Variants in ZFHX3 observed in about 807,000 individuals in gnomAD.
ZFHX3 encodes the protein zinc finger homeobox 3, also known as zinc finger homeobox protein 3.
Under a neutral mutation model 279.1 loss-of-function variants are expected in ZFHX3, and 42 were observed. The ratio of observed to expected loss-of-function variants is 0.15; its 90% CI spans 0.12 to 0.19. The LOEUF is 0.19. Ranked by LOEUF, ZFHX3 falls within the 10% of genes least tolerant of loss-of-function variation. The probability of loss-of-function intolerance (pLI) is 1.00; values close to 1 mark genes in which losing one functional copy is unlikely to be tolerated. For missense variants in ZFHX3, 4,981 were observed against 4,754.0 expected (o/e 1.05, Z -1.40); for synonymous variants, 2,293 against 1,957.8 (o/e 1.17, Z -4.52).
intron 3 of ZFHX3, among the ~76,000 whole-genome samples, chr16:73,452,106 G>A (rs1196236630): frequency 6.6e-6 from 1 of 152,142 alleles, no homozygotes; most frequent in Admixed American, 6.5e-5. Context: ...GGAGACTAAA[G>A]ATTACAAAAT....
intron 2 of ZFHX3, among the ~76,000 whole-genome samples, chr16:73,560,105 C>G (rs1350140514): frequency 1.3e-5 from 2 of 152,174 alleles, no homozygotes; most frequent in Non-Finnish European, 2.9e-5. Context: ...CTGTCAAGTT[C>G]CTTCTCTGTT....
chr16:73,067,964 A>G (rs1212865284), intron 8 of ZFHX3, among the ~76,000 whole-genome samples: 1 of 152,158 alleles, frequency 6.6e-6, no homozygotes, highest in East Asian at 1.9e-4. Context: ...ATAGATGGTA[A>G]AGAGAATGCA....
At chr16:73,612,500 C>T (rs995301511) in intron 2 of ZFHX3, among the ~76,000 whole-genome samples, 29 of 152,138 alleles carry the variant, frequency 1.9e-4, no homozygotes, top group Admixed American at 6.6e-5. Context: ...TGTAGCTTTT[C>T]CAGTTTCAAA....
chr16:73,675,804 C>T (rs1440444099), intron 2 of ZFHX3, among the ~76,000 whole-genome samples: 1 of 151,748 alleles, frequency 6.6e-6, no homozygotes, highest in Non-Finnish European at 1.5e-5. Flanking sequence ...TAGAAAAAAA[C>T]AATACACATA....
intron 5 of ZFHX3, among the ~76,000 whole-genome samples, chr16:73,238,534 C>T (rs2013021841): frequency 6.6e-6 from 1 of 152,060 alleles, no homozygotes; most frequent in African/African-American, 2.4e-5. Context: ...TCTTATTTTC[C>T]TAGTGGCTTT....
intron 4 of ZFHX3, among the ~76,000 whole-genome samples, chr16:73,290,310 G>A (rs543831266): frequency 6.6e-6 from 1 of 152,062 alleles, no homozygotes; most frequent in South Asian, 2.1e-4. Flanking sequence ...GAGAGAGACT[G>A]GAAGCTCATC....
At chr16:73,223,665 A>G (rs1470697005) in intron 5 of ZFHX3, among the ~76,000 whole-genome samples, 1 of 152,208 alleles carries the variant, frequency 6.6e-6, no homozygotes, top group Non-Finnish European at 1.5e-5. Flanking sequence ...AAAATTAAAC[A>G]TACTCTTCCA....
At chr16:72,833,667 G>C (rs1432531730) in intron 4 of ZFHX3, among the ~76,000 whole-genome samples, 1 of 152,146 alleles carries the variant, frequency 6.6e-6, no homozygotes, top group African/African-American at 2.4e-5. Context: ...GCCAGGACCT[G>C]GGAGAGAAGG....
chr16:73,512,612 A>C (rs553632412), intron 2 of ZFHX3, among the ~76,000 whole-genome samples: 1 of 152,156 alleles, frequency 6.6e-6, no homozygotes, highest in Non-Finnish European at 1.5e-5. Context: ...TAATGGAAAA[A>C]TAAGGTTCCA....
intron 2 of ZFHX3, among the ~76,000 whole-genome samples, chr16:73,607,021 G>A (rs1254338888): frequency 2.4e-5 from 3 of 124,092 alleles, no homozygotes; most frequent in Non-Finnish European, 5.5e-5. Flanking sequence ...CAAATAAAAA[G>A]GACATGATCT....
intron 3 of ZFHX3, among the ~76,000 whole-genome samples, chr16:72,934,351 C>G (rs887591818): frequency 6.6e-6 from 1 of 152,158 alleles, no homozygotes; most frequent in African/African-American, 2.4e-5. Context: ...TCACTTGAAC[C>G]CGGGAGGCGA....
At chr16:73,453,487 A>T (rs2018314589) in intron 3 of ZFHX3, among the ~76,000 whole-genome samples, 1 of 152,184 alleles carries the variant, frequency 6.6e-6, no homozygotes, top group Non-Finnish European at 1.5e-5. Context: ...AGGACACTCA[A>T]GCTGGTCACC....
At position 73,133,827 on chromosome 16, in the gene ZFHX3, TC is replaced by T. The variant is rs1417875487; in HGVS notation, c.-1023-2734del. Among the ~76,000 whole-genome samples, 5 of 152,284 alleles carry T rather than the reference TC, an allele frequency of 3.3e-5. No individual in the cohort carries two copies. The East Asian group carries it at 9.6e-4, about 29-fold the overall frequency. ...CTGTTAGAAGCTGCTCTCACAGTAA[TC>T]CCCAAGAAAGTATTAGCTGAACTTA... is the stretch of plus-strand genomic sequence containing the variant. On this transcript the variant is annotated intron_variant, in intron 6 of 17. Transcript: ENST00000641206.
At chr16:73,236,779 T>A (rs1385942940) in intron 5 of ZFHX3, among the ~76,000 whole-genome samples, 1 of 152,194 alleles carries the variant, frequency 6.6e-6, no homozygotes, top group African/African-American at 2.4e-5. Flanking sequence ...TTAAAAAATG[T>A]TCTTCTTACC....
chr16:73,622,354 C>G (rs1035455876), intron 2 of ZFHX3, among the ~76,000 whole-genome samples: 1 of 152,048 alleles, frequency 6.6e-6, no homozygotes, highest in East Asian at 1.9e-4. Context: ...GTCAGGAGAT[C>G]GAGACCATCC....
intron 3 of ZFHX3, among the ~76,000 whole-genome samples, chr16:73,428,741 G>A (rs188658740): frequency 3.9e-5 from 6 of 152,204 alleles, no homozygotes; most frequent in Admixed American, 2.0e-4. Context: ...AACCTGCCAC[G>A]CTCTCCATTG....
At chr16:73,402,897 T>C (rs1209427332) in intron 3 of ZFHX3, among the ~76,000 whole-genome samples, 1 of 141,934 alleles carries the variant, frequency 7.0e-6, no homozygotes, top group Non-Finnish European at 1.6e-5. Context: ...ATATGGAAAA[T>C]AAAAAAAAAA....
chr16:72,815,019 C>T (rs1417063688), intron 5 of ZFHX3, among the ~76,000 whole-genome samples: 2 of 152,274 alleles, frequency 1.3e-5, no homozygotes, highest in East Asian at 3.9e-4. Flanking sequence ...CTGACACATG[C>T]CCCTCCCTTG....
At chr16:72,824,035 T>C (rs2036869548) in intron 5 of ZFHX3, among the ~76,000 whole-genome samples, 2 of 152,184 alleles carry the variant, frequency 1.3e-5, no homozygotes, top group African/African-American at 2.4e-5. Flanking sequence ...TACAAAGGCA[T>C]CTCTATTTAT....
Sources: allele counts gnomAD v4.1 joint callset (sites outside exome capture counted in the v4.1 genomes callset), GRCh38; gene constraint gnomAD v4.1.1; transcripts MANE v1.5; gene names NCBI Gene and HGNC (gene_info 2026-07-23, HGNC 2026-07-21).